Variants in USP32 observed in about 807,000 individuals in gnomAD.
The protein encoded by USP32 is ubiquitin carboxyl-terminal hydrolase 32.
USP32 carries 59 observed loss-of-function variants against 204.8 expected under a neutral mutation model. That is an observed-to-expected ratio of 0.29 (90% CI 0.23 to 0.36). USP32 has a LOEUF of 0.36. USP32 is among the 10% of genes least tolerant of loss of function. USP32 has a pLI of 1.00. For missense variants in USP32, 1,160 were observed against 1,946.4 expected (o/e 0.60, Z 7.60); for synonymous variants, 517 against 678.4 (o/e 0.76, Z 3.70).
chr17:60,207,451 G>C lies in USP32; in HGVS notation c.2926-319C>G, dbSNP rs140203689. 8.7e-3 allele frequency among the ~76,000 whole-genome samples: 1,313 copies of C among 151,504 alleles called. 20 individuals are homozygous for C. The highest frequency in any genetic ancestry group is 0.03 in the African/African-American group (1,234 of 40,800). On this transcript the variant is annotated intron_variant, in intron 24 of 33. Transcript: ENST00000300896. ...TGCATTTCATATTAAGAAACTGTCA[G>C]TGAGGTGAGAGTGTGTTCAGAAATC...
At chr17:60,239,428 CTCCTT>C (rs1410477316) in intron 11 of USP32, among the ~76,000 whole-genome samples, 1 of 152,174 alleles carries the variant, frequency 6.6e-6, no homozygotes, top group African/African-American at 2.4e-5. Context: ...TTCCTTCTCT[CTCCTT>C]TCCTAAGATT....
chr17:60,411,232 G>A (rs552466917), intron 1 of USP32, among the ~76,000 whole-genome samples: 94 of 152,062 alleles, frequency 6.2e-4, no homozygotes, highest in African/African-American at 2.1e-3. Context: ...GCTGAGGCAG[G>A]AGAATCGCTT....
At chr17:60,327,884 G>A (rs1369560192) in intron 2 of USP32, among the ~76,000 whole-genome samples, 1 of 152,250 alleles carries the variant, frequency 6.6e-6, no homozygotes, top group African/African-American at 2.4e-5. Context: ...CGGTGCTGAC[G>A]TGCTAGCTGC....
chr17:60,361,130 GAACA>G (rs919559162), intron 1 of USP32, among the ~76,000 whole-genome samples: 3 of 152,034 alleles, frequency 2.0e-5, no homozygotes, highest in East Asian at 1.9e-4. Flanking sequence ...CTCTGCCTCA[GAACA>G]AACAAACAAC....
rs369598182 is a variant in USP32, at chr17:60,192,926, C to T, written c.3439G>A (p.Asp1147Asn). 4.8e-5 allele frequency: 78 copies of T among 1,613,676 alleles called. No individual in the cohort carries two copies. Among genetic ancestry groups the T allele is most frequent in the Non-Finnish European group, 3.1e-5 (37 of 1,179,660 alleles). The change falls in exon 28 of 34, where the codon GAC (aspartate) becomes AAC (asparagine). Residue 1147 changes from aspartate to asparagine, a missense_variant. Transcript: ENST00000300896. ...AATGGATATTGATAGCCCATACTGTCGTCACTGAAACAGAAGAGAACAAAA... is the reference window on the plus strand; with the variant it reads ...AATGGATATTGATAGCCCATACTGTTGTCACTGAAACAGAAGAGAACAAAA... ...EASNHAQDCD[D>N]SMGYQYPFTL...
chr17:60,301,739 A>G, intron 2 of USP32, 35 bp from the exon 3 acceptor site: 1 of 1,456,956 alleles, frequency 6.9e-7, no homozygotes, highest in South Asian at 1.3e-5. Context: ...CTTAGGAGGC[A>G]TTTCAGTTGT....
At chr17:60,310,549 A>C (rs1198057578) in intron 2 of USP32, among the ~76,000 whole-genome samples, 1 of 152,062 alleles carries the variant, frequency 6.6e-6, no homozygotes, top group Non-Finnish European at 1.5e-5. Context: ...AAATACAAAA[A>C]TTAGCTGGGC....
intron 11 of USP32, among the ~76,000 whole-genome samples, chr17:60,243,061 T>A (rs2085921867): frequency 6.6e-6 from 1 of 152,270 alleles, no homozygotes; most frequent in African/African-American, 2.4e-5. Flanking sequence ...AGTGCACAAG[T>A]CTTGCACTTC....
chr17:60,354,134 T>A (rs2089015974), intron 1 of USP32, among the ~76,000 whole-genome samples: 1 of 152,250 alleles, frequency 6.6e-6, no homozygotes, highest in African/African-American at 2.4e-5. Flanking sequence ...CATTACATGG[T>A]ATAAAATATT....
intron 11 of USP32, among the ~76,000 whole-genome samples, chr17:60,242,368 A>G (rs2085901078): frequency 6.6e-6 from 1 of 152,218 alleles, no homozygotes; most frequent in African/African-American, 2.4e-5. Context: ...TTAAAAAACA[A>G]TAAAAATGAT....
At chr17:60,372,121 T>C (rs1567881260) in intron 1 of USP32, among the ~76,000 whole-genome samples, 1 of 152,052 alleles carries the variant, frequency 6.6e-6, no homozygotes, top group African/African-American at 2.4e-5. Flanking sequence ...TGCTCAGAAG[T>C]GGGAAGTCAA....
At chr17:60,239,763 C>T (rs958066611) in intron 11 of USP32, among the ~76,000 whole-genome samples, 6 of 152,118 alleles carry the variant, frequency 3.9e-5, no homozygotes, top group Non-Finnish European at 7.3e-5. Context: ...GATGGAGTCT[C>T]GCTCTGTCAC....
chr17:60,418,963 T>C (rs1455314513), intron 1 of USP32, among the ~76,000 whole-genome samples: 6 of 152,206 alleles, frequency 3.9e-5, no homozygotes, highest in African/African-American at 1.4e-4. Flanking sequence ...TGGTGAATCC[T>C]CAAAGAGCTA....
intron 2 of USP32, among the ~76,000 whole-genome samples, chr17:60,311,022 C>A (rs1179927738): frequency 6.6e-6 from 1 of 151,988 alleles, no homozygotes; most frequent in Non-Finnish European, 1.5e-5. Flanking sequence ...GGGGGGAATA[C>A]AGATAAGTTG....
intron 2 of USP32, among the ~76,000 whole-genome samples, chr17:60,328,999 C>T (rs571002398): frequency 6.6e-6 from 1 of 152,156 alleles, no homozygotes; most frequent in Non-Finnish European, 1.5e-5. Flanking sequence ...TGTGAGCCTG[C>T]CAGGCCAAGT....
At chr17:60,371,253 T>TAAAAAAAAAAA (rs373242290) in intron 1 of USP32, among the ~76,000 whole-genome samples, 1 of 66,278 alleles carries the variant, frequency 1.5e-5, no homozygotes, top group African/African-American at 5.2e-5. Flanking sequence ...CTCTAAAAAT[T>TAAAAAAAAAAA]AAAAAAAAAA....
intron 1 of USP32, among the ~76,000 whole-genome samples, chr17:60,400,084 C>T (rs570068037): frequency 6.6e-6 from 1 of 152,230 alleles, no homozygotes; most frequent in South Asian, 2.1e-4. Flanking sequence ...CCCATCTCAG[C>T]CTCCTGAGTA....
At chr17:60,250,198 T>A (rs2086132178) in intron 11 of USP32, among the ~76,000 whole-genome samples, 1 of 152,292 alleles carries the variant, frequency 6.6e-6, no homozygotes, top group South Asian at 2.1e-4. Context: ...AAATCTTGGT[T>A]TCCACTTTTA....
At position 60,349,991 on chromosome 17, in the gene USP32, GT is replaced by G. The variant is rs375659862; in HGVS notation, c.59-4384del. Among the ~76,000 whole-genome samples, 199 of 150,836 alleles carry G rather than the reference GT, an allele frequency of 1.3e-3. 1 individual carries two copies. The highest frequency in any genetic ancestry group is 4.5e-3 in the African/African-American group (185 of 41,304). On this transcript the variant is annotated intron_variant, in intron 1 of 33. Transcript: ENST00000300896. ...AATCAAGCCTAAGTTCTGCTCTGTG[GT>G]TTTTTCGTTGTTGTTGGTTTTTGTT...
Sources: allele counts gnomAD v4.1 joint callset (sites outside exome capture counted in the v4.1 genomes callset), GRCh38; gene constraint gnomAD v4.1.1; transcripts MANE v1.5; gene names NCBI Gene and HGNC (gene_info 2026-07-23, HGNC 2026-07-21).